Variants in CHN2 observed in about 807,000 individuals in gnomAD.
CHN2 encodes the protein chimerin 2.
In CHN2, 35 loss-of-function variants were observed where a neutral mutation model predicts 56.3. The observed-to-expected ratio is 0.62, with a 90% CI of 0.47 to 0.82. CHN2 has a LOEUF of 0.82. CHN2 is among the 40% of genes least tolerant of loss of function. The pLI is 0.00. For synonymous variants in CHN2, 210 were observed against 212.8 expected, an observed-to-expected ratio of 0.99 and a Z score of 0.12; for missense variants, 491 against 580.5, an observed-to-expected ratio of 0.85 and a Z score of 1.58.
chr7:29,409,609 A>C (rs1029822762), intron 6 of CHN2, among the ~76,000 whole-genome samples: 3 of 152,248 alleles, frequency 2.0e-5, no homozygotes, highest in Non-Finnish European at 4.4e-5. Context: ...TGTAGTTGGA[A>C]AAAAGAGGAG....
intron 1 of CHN2, among the ~76,000 whole-genome samples, chr7:29,326,685 A>G (rs1287385697): frequency 6.6e-6 from 1 of 152,104 alleles, no homozygotes; most frequent in Non-Finnish European, 1.5e-5. Context: ...TGTAGTGTCC[A>G]TGTAGTGTAA....
chr7:29,158,638 T>C (rs1322739155), intron 2 of CHN2, among the ~76,000 whole-genome samples: 1 of 151,670 alleles, frequency 6.6e-6, no homozygotes, highest in Non-Finnish European at 1.5e-5. Flanking sequence ...AATAGGTGAA[T>C]TATGCATTTC....
At chr7:29,209,191 G>A (rs1784744069) in intron 1 of CHN2, among the ~76,000 whole-genome samples, 1 of 152,074 alleles carries the variant, frequency 6.6e-6, no homozygotes, top group Non-Finnish European at 1.5e-5. Flanking sequence ...AAGGGGTGAG[G>A]AGGCCTGAAC....
intron 2 of CHN2, among the ~76,000 whole-genome samples, chr7:29,168,725 C>G (rs1230674958): frequency 6.6e-6 from 1 of 152,200 alleles, no homozygotes; most frequent in Admixed American, 6.5e-5. Flanking sequence ...AATCAGATGG[C>G]TAAACACACT....
At chr7:29,361,594 C>T (rs1027130410) in intron 2 of CHN2, among the ~76,000 whole-genome samples, 8 of 152,196 alleles carry the variant, frequency 5.3e-5, no homozygotes, top group African/African-American at 1.4e-4. Context: ...CCCTTCCCTC[C>T]TCCAAGTCGC....
At chr7:29,510,912 ACTAGAAC>A (rs1418314841) in intron 12 of CHN2, among the ~76,000 whole-genome samples, 1 of 150,768 alleles carries the variant, frequency 6.6e-6, no homozygotes, top group African/African-American at 2.4e-5. Context: ...TTTATGGGAC[ACTAGAAC>A]CTCTGGTGAC....
rs76367075 is a variant in CHN2, at chr7:29,175,687, A to C, written c.274+28727A>C. ...CATGAGAACAGACTAACACAGATAAATTGATTGATAGCCAACGGGAAGGAG... is the reference window on the plus strand; with the variant it reads ...CATGAGAACAGACTAACACAGATAACTTGATTGATAGCCAACGGGAAGGAG... On this transcript the variant is annotated intron_variant, in intron 2 of 6. Transcript: ENST00000439384. Among the ~76,000 whole-genome samples the C allele has an allele frequency of 8.2e-3, 1,254 of 152,256 alleles. 22 individuals carry two copies. The highest frequency in any genetic ancestry group is 0.028 in the African/African-American group (1,154 of 41,538).
chr7:29,303,446 C>T (rs1313915389), intron 1 of CHN2, among the ~76,000 whole-genome samples: 4 of 152,200 alleles, frequency 2.6e-5, no homozygotes, highest in African/African-American at 7.2e-5. Context: ...CTGTCCTCCC[C>T]GCCTCTACCA....
intron 6 of CHN2, among the ~76,000 whole-genome samples, chr7:29,439,423 G>T (rs898826311): frequency 6.6e-6 from 1 of 152,136 alleles, no homozygotes; most frequent in Non-Finnish European, 1.5e-5. Context: ...CCTTAGAATG[G>T]CTTTGCATGT....
intron 6 of CHN2, among the ~76,000 whole-genome samples, chr7:29,471,704 C>A (rs541627067): frequency 1.3e-5 from 2 of 152,238 alleles, no homozygotes; most frequent in African/African-American, 4.8e-5. Context: ...GGTGTGTCAT[C>A]AGAGACAAGG....
At chr7:29,510,469 G>C (rs1791177184) in intron 12 of CHN2, among the ~76,000 whole-genome samples, 1 of 152,176 alleles carries the variant, frequency 6.6e-6, no homozygotes, top group South Asian at 2.1e-4. Flanking sequence ...CTGAAGGCTT[G>C]ATGGTGGTAG....
chr7:29,411,780 G>A (rs1343616246), intron 6 of CHN2, among the ~76,000 whole-genome samples: 1 of 152,170 alleles, frequency 6.6e-6, no homozygotes, highest in Non-Finnish European at 1.5e-5. Context: ...TGGAGATGGG[G>A]AGAGAGAAGC....
At chr7:29,214,024 A>G (rs906792909) in intron 1 of CHN2, among the ~76,000 whole-genome samples, 4 of 152,224 alleles carry the variant, frequency 2.6e-5, no homozygotes, top group Non-Finnish European at 5.9e-5. Flanking sequence ...AATGAAATGA[A>G]GCCGTGGTCA....
intron 1 of CHN2, among the ~76,000 whole-genome samples, chr7:29,294,012 G>C (rs1251582771): frequency 6.6e-6 from 1 of 151,846 alleles, no homozygotes; most frequent in Non-Finnish European, 1.5e-5. Context: ...GACTACAGGC[G>C]CCCGCCACCA....
At chr7:29,410,249 A>G (rs1268909564) in intron 6 of CHN2, among the ~76,000 whole-genome samples, 2 of 152,162 alleles carry the variant, frequency 1.3e-5, no homozygotes, top group Non-Finnish European at 2.9e-5. Context: ...TAATCGTAGG[A>G]ACAGTGTTGG....
intron 6 of CHN2, among the ~76,000 whole-genome samples, chr7:29,422,750 A>C (rs912461861): frequency 6.6e-5 from 10 of 152,196 alleles, no homozygotes; most frequent in Middle Eastern, 3.2e-3. Flanking sequence ...TTTCTTTTTC[A>C]TAGGACTTCT....
chr7:29,254,750 C>CTG (rs1788936681), intron 1 of CHN2, among the ~76,000 whole-genome samples: 1 of 152,190 alleles, frequency 6.6e-6, no homozygotes, highest in Admixed American at 6.5e-5. Context: ...TGTACAGCCA[C>CTG]TGCTTGGCAC....
intron 1 of CHN2, among the ~76,000 whole-genome samples, chr7:29,224,347 T>C (rs1045850393): frequency 6.6e-6 from 1 of 152,266 alleles, no homozygotes; most frequent in Non-Finnish European, 1.5e-5. Context: ...CATGGTCAGA[T>C]ACTGTTAAAT....
At chr7:29,173,949 C>CAAA (rs74313059) in intron 2 of CHN2, among the ~76,000 whole-genome samples, 1 of 115,818 alleles carries the variant, frequency 8.6e-6, no homozygotes, top group Non-Finnish European at 1.8e-5. Context: ...GAGACTGACT[C>CAAA]AAAAAAAAAA....
Sources: gnomAD v4.1 joint callset for allele counts (sites outside exome capture counted in the v4.1 genomes callset) on GRCh38, gnomAD v4.1.1 for gene constraint, MANE v1.5 for transcripts, NCBI Gene and HGNC (gene_info 2026-07-23, HGNC 2026-07-21) for gene names.